Variants in DACH2 observed in about 807,000 individuals in gnomAD.
DACH2 encodes the protein dachshund family transcription factor 2, also known as dachshund homolog 2.
Under a neutral mutation model 35.8 loss-of-function variants are expected in DACH2, and 17 were observed. The ratio of observed to expected loss-of-function variants is 0.48; its 90% CI spans 0.33 to 0.71. The LOEUF (loss-of-function observed/expected upper bound fraction) is 0.71. Ranked by LOEUF, DACH2 falls within the 30% of genes least tolerant of loss-of-function variation. The pLI is 0.02. For missense variants in DACH2, 469 were observed against 472.7 expected (o/e 0.99, Z 0.07); for synonymous variants, 195 against 177.3 (o/e 1.10, Z -0.79).
rs952092094 is a variant in DACH2 at position 86,179,397 on chromosome X, T to C, written c.488+30289T>C. On this transcript the variant is annotated intron_variant, in intron 1 of 11. Coordinates refer to ENST00000373125, the MANE Select transcript of DACH2 (RefSeq NM_053281.3). ...GCCCTTCTAAGCACTAATCATCTAA[T>C]TAGGAATGATGTGTTAAAGCAATGG... Among the ~76,000 whole-genome samples the C allele has an allele frequency of 2.8e-4, 31 of 111,667 alleles. 1 individual carries two copies. Among genetic ancestry groups the C allele is most frequent in the Non-Finnish European group, 3.8e-5 (2 of 53,013 alleles).
intron 1 of DACH2, among the ~76,000 whole-genome samples, chrX:86,339,077 G>A (rs1289707535): frequency 8.9e-6 from 1 of 111,753 alleles, no homozygotes; most frequent in Non-Finnish European, 1.9e-5. Flanking sequence ...GTAATTAATA[G>A]CCTACCAACC....
chrX:86,256,684 T>G (rs1472289885), intron 1 of DACH2, among the ~76,000 whole-genome samples: 1 of 112,073 alleles, frequency 8.9e-6, no homozygotes, highest in Non-Finnish European at 1.9e-5. Context: ...AATAGTTACC[T>G]TGTCTTAAAA....
intron 2 of DACH2, among the ~76,000 whole-genome samples, chrX:86,396,150 AT>A (rs1472196951): frequency 1.3e-4 from 14 of 111,533 alleles, no homozygotes; most frequent in Non-Finnish European, 2.5e-4. Context: ...GATGATGAGG[AT>A]TTTTTCATGT....
intron 3 of DACH2, among the ~76,000 whole-genome samples, chrX:86,648,012 A>G (rs1201000891): frequency 2.7e-5 from 3 of 110,610 alleles, no homozygotes; most frequent in African/African-American, 9.8e-5. Context: ...AGTGAACAAG[A>G]ATAGAAGGCA....
At chrX:86,371,613 T>G (rs1340340373) in intron 1 of DACH2, among the ~76,000 whole-genome samples, 1 of 110,728 alleles carries the variant, frequency 9.0e-6, no homozygotes, top group Admixed American at 9.7e-5. Flanking sequence ...TTTTTTCTGT[T>G]AATATATATG....
chrX:86,296,367 C>T (rs2034458163), intron 1 of DACH2, among the ~76,000 whole-genome samples: 1 of 86,323 alleles, frequency 1.2e-5, no homozygotes, highest in African/African-American at 4.5e-5. Context: ...GGCCACAGAG[C>T]GAGACTCCAT....
At chrX:86,760,059 T>G (rs1372855672) in intron 7 of DACH2, among the ~76,000 whole-genome samples, 3 of 111,989 alleles carry the variant, frequency 2.7e-5, no homozygotes, top group Non-Finnish European at 5.6e-5. Context: ...CCTTGTAAGC[T>G]TTTCCATAAG....
chrX:86,405,682 T>G (rs2036516626), intron 2 of DACH2, among the ~76,000 whole-genome samples: 1 of 111,692 alleles, frequency 9.0e-6, no homozygotes, highest in African/African-American at 3.3e-5. Context: ...TGTTACCCAG[T>G]TCCAAAATCA....
At chrX:86,260,168 C>T (rs903932231) in intron 1 of DACH2, among the ~76,000 whole-genome samples, 4 of 110,244 alleles carry the variant, frequency 3.6e-5, no homozygotes, top group Admixed American at 2.9e-4. Context: ...AAGTTTAAAC[C>T]GGATAAAACT....
At chrX:86,356,705 G>A (rs771364716) in intron 1 of DACH2, among the ~76,000 whole-genome samples, 7 of 110,507 alleles carry the variant, frequency 6.3e-5, no homozygotes, top group Non-Finnish European at 1.3e-4. Flanking sequence ...ATTTTTTCAT[G>A]TTGTTCTGTA....
chrX:86,372,075 C>T lies in DACH2; in HGVS notation c.489-4749C>T, dbSNP rs760965766. 4.5e-5 allele frequency among the ~76,000 whole-genome samples: 5 copies of T among 111,105 alleles called. No homozygotes were observed. In the South Asian group the frequency reaches 1.9e-3, roughly 42 times the overall value. On this transcript the variant is annotated intron_variant, in intron 1 of 11. Coordinates refer to ENST00000373125, the MANE Select transcript of DACH2 (RefSeq NM_053281.3). The stretch of plus-strand genomic sequence containing the variant: ...TGACTTCATTTCAAAGCATAGGGAA[C>T]ATTTTTATCGATCTTTTCGAATTTT...
At chrX:86,812,758 T>G in intron 7 of DACH2, 98 bp from the exon 8 acceptor site, 1 of 544,076 alleles carries the variant, frequency 1.8e-6, no homozygotes. Flanking sequence ...CATTTAGTTT[T>G]AGAAACAAAA....
rs1469417355 is a variant in DACH2, at chrX:86,202,887, T to C, written c.488+53779T>C. On this transcript the variant is annotated intron_variant, in intron 1 of 11. Transcript: ENST00000373125. ...CTCTTGTGACTCAGAACCACACACATTGCCTTGTACATAGGAAGAAGCTAT... is the reference window on the plus strand; with the variant it reads ...CTCTTGTGACTCAGAACCACACACACTGCCTTGTACATAGGAAGAAGCTAT... 2.7e-5 allele frequency among the ~76,000 whole-genome samples: 3 copies of C among 111,401 alleles called. 1 individual carries two copies. In the Admixed American group the frequency reaches 2.9e-4, roughly 11 times the overall value.
At chrX:86,700,824 C>T (rs951751361) in intron 5 of DACH2, among the ~76,000 whole-genome samples, 1 of 111,309 alleles carries the variant, frequency 9.0e-6, no homozygotes, top group Non-Finnish European at 1.9e-5. Context: ...TCTGAACAGA[C>T]CAATAATGAG....
intron 1 of DACH2, among the ~76,000 whole-genome samples, chrX:86,348,044 G>T (rs756043074): frequency 9.0e-6 from 1 of 111,492 alleles, no homozygotes; most frequent in Non-Finnish European, 1.9e-5. Flanking sequence ...ATATCAGCCG[G>T]ATGCACTCAT....
intron 3 of DACH2, among the ~76,000 whole-genome samples, chrX:86,585,635 C>G (rs745489883): frequency 9.0e-6 from 1 of 111,093 alleles, no homozygotes; most frequent in East Asian, 2.8e-4. Flanking sequence ...TTGGTTAGCT[C>G]TCACTTATAA....
At chrX:86,373,480 T>C (rs944849823) in intron 1 of DACH2, among the ~76,000 whole-genome samples, 5 of 111,009 alleles carry the variant, frequency 4.5e-5, no homozygotes, top group African/African-American at 1.6e-4. Context: ...TGACAGTCTT[T>C]GGGAGGACAT....
In DACH2 at chrX:86,149,068, A is replaced by G. The variant is rs1182848202; in HGVS notation, c.448A>G (p.Lys150Glu). ...AAACCGCTGCAAACTCATCACCAGG[A>G]AAGACTTCGAAACTTTGTTCACCGA... Reference protein sequence around the residue: ...GVNRCKLITRKDFETLFTDCT... With the variant: ...GVNRCKLITREDFETLFTDCT... The change falls in exon 1 of 12, where the codon AAA (lysine) becomes GAA (glutamate). Residue 150 changes from lysine (K) to glutamate (E), a missense_variant. By Grantham distance (56) the Lys-to-Glu change is moderately conservative. Coordinates refer to ENST00000373125, the MANE Select transcript of DACH2 (RefSeq NM_053281.3). 2 of 1,190,684 alleles carry G rather than the reference A, an allele frequency of 1.7e-6. No individual in the cohort carries two copies. The highest frequency in any genetic ancestry group is 2.3e-6 in the Non-Finnish European group (2 of 884,987).
chrX:86,583,948 A>G (rs760344404), intron 3 of DACH2, among the ~76,000 whole-genome samples: 1 of 110,883 alleles, frequency 9.0e-6, no homozygotes, highest in Non-Finnish European at 1.9e-5. Flanking sequence ...GTAAAAAGAA[A>G]TTGGAAGTGT....
Sources: allele counts gnomAD v4.1 joint callset (sites outside exome capture counted in the v4.1 genomes callset), GRCh38; gene constraint gnomAD v4.1.1; transcripts MANE v1.5; gene names NCBI Gene and HGNC (gene_info 2026-07-23, HGNC 2026-07-21).